PGM1: variants seen among roughly 807,000 people sequenced by gnomAD.
PGM1 encodes phosphoglucomutase-1.
A neutral mutation model predicts 55.6 loss-of-function variants in PGM1; 52 were observed. The observed-to-expected ratio is 0.94, with a 90% CI of 0.75 to 1.18. The LOEUF is 1.18. PGM1 is among the 50% of genes most tolerant of loss of function. PGM1 has a pLI of 0.00. For synonymous variants in PGM1, 287 were observed against 271.7 expected (o/e 1.06, Z -0.55); for missense variants, 724 against 729.3 (o/e 0.99, Z 0.08).
rs1313628933 is a variant in PGM1, at chr1:63,659,726, C to G, written c.*51C>G. 2 of 1,347,000 alleles carry G rather than the reference C, an allele frequency of 1.5e-6. No individual in the cohort carries two copies. The highest frequency in any genetic ancestry group is 3.4e-5 in the Admixed American group (2 of 59,554). The allele number at this position is 1,347,000 out of a possible 1,614,324, so 83.4% of individuals were successfully genotyped here. On this transcript the variant is annotated 3_prime_UTR_variant, in exon 11 of 11. Coordinates refer to ENST00000371084, the MANE Select transcript of PGM1 (RefSeq NM_002633.3). Reference sequence around the variant, plus strand: ...CCTCCACCCCCGGACCCATCCAAGTCATCTGATTGAAGAGCATGACAGAAA... The same window carrying G: ...CCTCCACCCCCGGACCCATCCAAGTGATCTGATTGAAGAGCATGACAGAAA...
chr1:63,647,142 C>T lies in PGM1; in HGVS notation c.1145-1375C>T, dbSNP rs1485079003. Reference sequence around the variant, plus strand: ...CCTATAATCCCAGCTACTCGGGAGGCTGAGACAGGAGAATCGCTTGAGCCT... The same window carrying T: ...CCTATAATCCCAGCTACTCGGGAGGTTGAGACAGGAGAATCGCTTGAGCCT... On this transcript the variant is annotated intron_variant, in intron 7 of 10. Coordinates refer to ENST00000371084, the MANE Select transcript of PGM1 (RefSeq NM_002633.3). Among the ~76,000 whole-genome samples the T allele has an allele frequency of 4.6e-5, 7 of 151,516 alleles. No individual in the cohort carries two copies. The East Asian group carries it at 1.4e-3, about 29-fold the overall frequency.
chr1:63,608,215 T>C (rs1557704366), intron 1 of PGM1, among the ~76,000 whole-genome samples: 1 of 152,230 alleles, frequency 6.6e-6, no homozygotes, highest in Non-Finnish European at 1.5e-5. Context: ...AGAGAGGAGC[T>C]TAAGAGACAG....
intron 1 of PGM1, among the ~76,000 whole-genome samples, chr1:63,616,968 C>A (rs531279177): frequency 1.3e-5 from 2 of 152,170 alleles, no homozygotes; most frequent in African/African-American, 4.8e-5. Flanking sequence ...CTAATACTTA[C>A]GCAGGGCTTG....
At chr1:63,605,372 C>A (rs1455659429) in intron 1 of PGM1, among the ~76,000 whole-genome samples, 2 of 152,082 alleles carry the variant, frequency 1.3e-5, no homozygotes, top group African/African-American at 4.8e-5. Context: ...AAGTTCTCAC[C>A]TAGATAGTTT....
At chr1:63,600,034 A>AAGAAG (rs990344053) in intron 1 of PGM1, 115 of 152,324 alleles carry the variant, frequency 7.5e-4, no homozygotes, top group African/African-American at 2.7e-3. Context: ...TGGATTGGGA[A>AAGAAG]AGAAGAGGTG....
At chr1:63,657,273 A>T (rs855353) in intron 10 of PGM1, among the ~76,000 whole-genome samples, 2,321 of 152,286 alleles carry the variant, frequency 0.015, 53 homozygotes, top group African/African-American at 0.053. Context: ...TTTAAATTCT[A>T]TTCCTGCCAC....
chr1:63,607,596 G>A (rs936208475), intron 1 of PGM1, among the ~76,000 whole-genome samples: 1 of 152,116 alleles, frequency 6.6e-6, no homozygotes, highest in Non-Finnish European at 1.5e-5. Context: ...AGCAGACCAG[G>A]CTGTCAAAAA....
intron 1 of PGM1, among the ~76,000 whole-genome samples, chr1:63,624,719 A>G (rs1648976248): frequency 6.6e-6 from 1 of 152,236 alleles, no homozygotes; most frequent in Non-Finnish European, 1.5e-5. Context: ...GATAAAATGT[A>G]GTATTGCAAC....
intron 1 of PGM1, among the ~76,000 whole-genome samples, 166 bp from the exon 2 acceptor site, chr1:63,629,259 G>A (rs548318195): frequency 6.6e-6 from 1 of 152,164 alleles, no homozygotes; most frequent in Non-Finnish European, 1.5e-5. Context: ...CAGTAATATG[G>A]TGGAGACATC....
intron 9 of PGM1, among the ~76,000 whole-genome samples, chr1:63,653,918 C>T (rs772516221): frequency 8.5e-5 from 13 of 152,200 alleles, no homozygotes; most frequent in Non-Finnish European, 1.6e-4. Flanking sequence ...GAAACCTCTT[C>T]AGCTCTGGTT....
chr1:63,655,722 A>G (rs1386336732), intron 10 of PGM1: 2 of 152,266 alleles, frequency 1.3e-5, no homozygotes, highest in African/African-American at 4.8e-5. Context: ...TTCACAGCAT[A>G]CAATGCAATG....
At chr1:63,594,187 C>G in intron 1 of PGM1, 3 of 926,542 alleles carry the variant, frequency 3.2e-6, no homozygotes, top group Non-Finnish European at 3.9e-6. Context: ...TCGCATCCCG[C>G]CCGCTCCTCT....
At chr1:63,601,615 C>G (rs1462393708) in intron 1 of PGM1, among the ~76,000 whole-genome samples, 1 of 152,110 alleles carries the variant, frequency 6.6e-6, no homozygotes, top group African/African-American at 2.4e-5. Flanking sequence ...TAATGGCTAG[C>G]CGAGGGCTTC....
chr1:63,608,546 G>A (rs10789145), intron 1 of PGM1, among the ~76,000 whole-genome samples: 46,293 of 152,106 alleles, frequency 0.3, 7,629 homozygotes, highest in South Asian at 0.38. Context: ...AACTGGGTGG[G>A]GACAGGGAAA....
chr1:63,619,605 A>T (rs573307253), intron 1 of PGM1, among the ~76,000 whole-genome samples: 4 of 152,350 alleles, frequency 2.6e-5, no homozygotes, highest in Non-Finnish European at 5.9e-5. Context: ...ATATTGGTTT[A>T]TATTCTTTTT....
intron 1 of PGM1, among the ~76,000 whole-genome samples, chr1:63,612,097 A>C (rs1194111905): frequency 6.6e-6 from 1 of 151,744 alleles, no homozygotes; most frequent in Non-Finnish European, 1.5e-5. Context: ...TCTCTACTAA[A>C]AATACAAAAA....
intron 7 of PGM1, among the ~76,000 whole-genome samples, chr1:63,647,247 A>C (rs1649669617): frequency 8.6e-6 from 1 of 115,678 alleles, no homozygotes. Flanking sequence ...CGTCTCAAAA[A>C]ATAAAATTTT....
chr1:63,631,746 A>T lies in PGM1; in HGVS notation c.646A>T (p.Asn216Tyr). Reference protein sequence around the residue: ...SALKELLSGPNRLKIRIDAMH... With the variant: ...SALKELLSGPYRLKIRIDAMH... ...ACTGAAAGAACTACTTTCTGGGCCA[A>T]ACCGACTGAAGATCCGTATTGATGC... The change falls in exon 4 of 11, where the codon AAC becomes TAC. Residue 216 changes from asparagine (N) to tyrosine (Y), a missense_variant. Transcript: ENST00000371084. 1 of 1,613,838 alleles carries T rather than the reference A, an allele frequency of 6.2e-7. No homozygotes were observed. The highest frequency in any genetic ancestry group is 8.5e-7 in the Non-Finnish European group (1 of 1,179,754).
intron 1 of PGM1, among the ~76,000 whole-genome samples, chr1:63,601,622 C>A (rs1648246721): frequency 6.6e-6 from 1 of 152,120 alleles, no homozygotes; most frequent in Admixed American, 6.5e-5. Flanking sequence ...TAGCCGAGGG[C>A]TTCAGTTGGG....
Sources: gnomAD v4.1 joint callset for allele counts (sites outside exome capture counted in the v4.1 genomes callset) on GRCh38, gnomAD v4.1.1 for gene constraint, MANE v1.5 for transcripts, NCBI Gene and HGNC (gene_info 2026-07-23, HGNC 2026-07-21) for gene names.